RIC1: variants seen among roughly 807,000 people sequenced by gnomAD.
RIC1 encodes RIC1 partner of RAB6A GEF complex, also known as guanine nucleotide exchange factor subunit RIC1.
Under a neutral mutation model 169.0 loss-of-function variants are expected in RIC1, and 88 were observed. The ratio of observed to expected loss-of-function variants is 0.52; its 90% confidence interval spans 0.44 to 0.62. The LOEUF (loss-of-function observed/expected upper bound fraction) is 0.62. Among genes scored for constraint, RIC1 ranks in the 20% least tolerant of loss-of-function variants. The probability of loss-of-function intolerance (pLI) is 0.00; values close to 1 mark genes in which losing one functional copy is unlikely to be tolerated. For synonymous variants in RIC1, 790 were observed against 601.5 expected, an observed-to-expected ratio of 1.31 and a Z score of -4.59; for missense variants, 1,877 against 1,725.5, an observed-to-expected ratio of 1.09 and a Z score of -1.56.
intron 3 of RIC1, among the ~76,000 whole-genome samples, chr9:5,709,086 G>C (rs554409111): frequency 1.3e-5 from 2 of 152,212 alleles, no homozygotes; most frequent in African/African-American, 4.8e-5. Flanking sequence ...CATCACAGTA[G>C]AGGATTAAAA....
intron 6 of RIC1, among the ~76,000 whole-genome samples, chr9:5,724,259 T>C (rs556594265): frequency 4.7e-4 from 72 of 152,346 alleles, no homozygotes; most frequent in African/African-American, 1.6e-3. Flanking sequence ...TAGTTCTCCT[T>C]GAAGAGGTCC....
At chr9:5,729,522 A>C (rs1030185551) in intron 6 of RIC1, among the ~76,000 whole-genome samples, 1 of 152,146 alleles carries the variant, frequency 6.6e-6, no homozygotes, top group Non-Finnish European at 1.5e-5. Context: ...AAAATTTTCT[A>C]ATGCCGCCTC....
intron 9 of RIC1, among the ~76,000 whole-genome samples, chr9:5,743,385 A>AT (rs1825192009): frequency 6.6e-6 from 1 of 152,128 alleles, no homozygotes; most frequent in Non-Finnish European, 1.5e-5. Context: ...TAGCCCAGTG[A>AT]TTGATAGGAG....
intron 2 of RIC1, among the ~76,000 whole-genome samples, chr9:5,670,296 G>T (rs1432158719): frequency 6.6e-6 from 1 of 152,138 alleles, no homozygotes; most frequent in East Asian, 1.9e-4. Context: ...GCAGGCGTCT[G>T]CCTGAACTAA....
chr9:5,733,926 G>A (rs1353451012), intron 7 of RIC1, among the ~76,000 whole-genome samples: 2 of 150,778 alleles, frequency 1.3e-5, no homozygotes, highest in East Asian at 3.9e-4. Flanking sequence ...TGAATGTTTG[G>A]TAGAATTTGC....
At chr9:5,712,969 A>C (rs1823023609) in intron 3 of RIC1, 1 of 152,222 alleles carries the variant, frequency 6.6e-6, no homozygotes, top group South Asian at 2.1e-4. Flanking sequence ...AGTCTGTAAC[A>C]AAAAAATAAG....
At chr9:5,699,929 G>C (rs1208355228) in intron 3 of RIC1, among the ~76,000 whole-genome samples, 3 of 151,960 alleles carry the variant, frequency 2.0e-5, no homozygotes, top group Admixed American at 6.6e-5. Context: ...TAAACCTCTT[G>C]GCTTTAAGAA....
At chr9:5,715,939 C>T (rs1409296944) in intron 4 of RIC1, among the ~76,000 whole-genome samples, 2 of 152,030 alleles carry the variant, frequency 1.3e-5, no homozygotes, top group African/African-American at 4.8e-5. Flanking sequence ...CCTCAGCCTC[C>T]TGGGCTCCAG....
At chr9:5,659,185 C>T (rs1819294497) in intron 2 of RIC1, among the ~76,000 whole-genome samples, 1 of 151,996 alleles carries the variant, frequency 6.6e-6, no homozygotes, top group Non-Finnish European at 1.5e-5. Context: ...TCTTGGTAGT[C>T]TTGTTGAAAA....
chr9:5,632,040 TATA>T lies in RIC1; in HGVS notation c.144+2594_144+2596del, dbSNP rs1362821487. On this transcript the variant is annotated intron_variant, in intron 1 of 25. Transcript: ENST00000414202. The stretch of plus-strand genomic sequence containing the variant: ...GAGAGGCTGTAGATACAAGTAGTTT[TATA>T]ATAATATGTGAAGATCTACAGGATT... Among the ~76,000 whole-genome samples, 4 of 152,336 alleles carry T rather than the reference TATA, an allele frequency of 2.6e-5. No homozygotes were observed. In the East Asian group the frequency reaches 7.7e-4, roughly 29 times the overall value.
intron 2 of RIC1, among the ~76,000 whole-genome samples, chr9:5,679,553 C>G (rs1405553526): frequency 1.3e-5 from 2 of 152,024 alleles, no homozygotes; most frequent in African/African-American, 4.8e-5. Flanking sequence ...AGAGGTCCTT[C>G]ACATCCCTTG....
chr9:5,642,897 TTTAA>T (rs1412418434), intron 1 of RIC1, among the ~76,000 whole-genome samples: 1 of 152,224 alleles, frequency 6.6e-6, no homozygotes, highest in African/African-American at 2.4e-5. Flanking sequence ...CATTGTAACT[TTTAA>T]ACTTGAAAGT....
At chr9:5,739,837 C>G (rs190457237) in intron 8 of RIC1, among the ~76,000 whole-genome samples, 1 of 147,712 alleles carries the variant, frequency 6.8e-6, no homozygotes, top group East Asian at 2.2e-4. Flanking sequence ...TCCCACACAT[C>G]CCCTTTCCAA....
chr9:5,732,485 A>G lies in RIC1; in HGVS notation c.812+6A>G. 1 of 1,579,924 alleles carries G rather than the reference A, an allele frequency of 6.3e-7. No homozygotes were observed. The highest frequency in any genetic ancestry group is 8.6e-7 in the Non-Finnish European group (1 of 1,158,152). On this transcript the variant is annotated splice_donor_region_variant and intron_variant, in intron 7 of 25. Coordinates refer to ENST00000414202, the MANE Select transcript of RIC1 (RefSeq NM_020829.4). ...ATGGCATTTGGCTGTGTGAGGTATAATTGATGTAGGCTTTTGCATTTTTAA... is the reference window on the plus strand; with the variant it reads ...ATGGCATTTGGCTGTGTGAGGTATAGTTGATGTAGGCTTTTGCATTTTTAA...
chr9:5,778,116 A>C (rs2181518), downstream of RIC1, among the ~76,000 whole-genome samples: 47,136 of 151,964 alleles, frequency 0.31, 8,641 homozygotes, highest in East Asian at 0.76. Flanking sequence ...TTGGGTTTTT[A>C]ATGTCTTTTA....
At chr9:5,678,347 A>T (rs201699275) in intron 2 of RIC1, among the ~76,000 whole-genome samples, 6 of 151,896 alleles carry the variant, frequency 4.0e-5, no homozygotes, top group African/African-American at 1.5e-4. Context: ...ATTTATAGTC[A>T]TTTGGGTATA....
chr9:5,655,171 G>A (rs1040710465), intron 1 of RIC1, among the ~76,000 whole-genome samples: 1 of 152,184 alleles, frequency 6.6e-6, no homozygotes, highest in Non-Finnish European at 1.5e-5. Flanking sequence ...GATCTTAGCA[G>A]GAAAGCGTTG....
chr9:5,720,876 C>A, intron 6 of RIC1, 126 bp downstream of exon 6: 3 of 836,590 alleles, frequency 3.6e-6, no homozygotes, highest in African/African-American at 1.8e-5. Flanking sequence ...TTAATCAAAC[C>A]AAACATATAA....
chr9:5,698,961 A>G (rs771631439), intron 3 of RIC1, among the ~76,000 whole-genome samples: 1 of 152,238 alleles, frequency 6.6e-6, no homozygotes, highest in African/African-American at 2.4e-5. Context: ...CAAAAAATAC[A>G]GGTGTACTTG....
Sources: gnomAD v4.1 joint callset for allele counts (sites outside exome capture counted in the v4.1 genomes callset) on GRCh38, gnomAD v4.1.1 for gene constraint, MANE v1.5 for transcripts, NCBI Gene and HGNC (gene_info 2026-07-23, HGNC 2026-07-21) for gene names.